Variants in DAPK3 observed in about 807,000 individuals in gnomAD.
DAPK3 encodes the protein death associated protein kinase 3.
In DAPK3, 24 loss-of-function variants were observed where a neutral mutation model predicts 30.6. The observed-to-expected ratio is 0.78, with a 90% CI of 0.57 to 1.10. The LOEUF (loss-of-function observed/expected upper bound fraction) is 1.10. Ranked by LOEUF, DAPK3 falls within the 50% of genes least tolerant of loss-of-function variation. The pLI, the probability that DAPK3 is intolerant of heterozygous loss-of-function variation, is 0.00. For missense variants in DAPK3, 629 were observed against 657.3 expected (o/e 0.96, Z 0.47); for synonymous variants, 341 against 284.0 (o/e 1.20, Z -2.02).
In DAPK3 at chr19:3,964,333, G is replaced by A; in HGVS notation, c.464C>T (p.Pro155Leu). Residue 155 changes from proline to leucine, a missense_variant, in exon 4 of 9, where the codon CCA (proline) becomes CTA (leucine). Around this residue, in one of 2 missense-constraint regions of DAPK3, gnomAD observed 306 missense variants for 378.5 expected, o/e 0.81. Coordinates refer to ENST00000545797, the MANE Select transcript of DAPK3 (RefSeq NM_001348.3). ...GCCGAAGTCGATGAGCTTGATTCGT[G>A]GGTTGGGCACGTTCTTGTCCAGCAG... Reference protein sequence around the residue: ...IMLLDKNVPNPRIKLIDFGIA... With the variant: ...IMLLDKNVPNLRIKLIDFGIA... The A allele has an allele frequency of 6.2e-7, 1 of 1,613,200 alleles. No individual in the cohort carries two copies. The highest frequency in any genetic ancestry group is 8.5e-7 in the Non-Finnish European group (1 of 1,179,200).
At chr19:3,968,685 G>A (rs1031808942) in intron 2 of DAPK3, among the ~76,000 whole-genome samples, 1 of 152,140 alleles carries the variant, frequency 6.6e-6, no homozygotes, top group Non-Finnish European at 1.5e-5. Context: ...GGGGGAGGAG[G>A]GAGCATGCTT....
chr19:3,969,252 T>C (rs1005080319), intron 2 of DAPK3, among the ~76,000 whole-genome samples: 3 of 152,098 alleles, frequency 2.0e-5, no homozygotes, highest in Non-Finnish European at 4.4e-5. Flanking sequence ...CATCCTCCCG[T>C]CTCAGCTTCC....
chr19:3,962,787 CAAAAAAA>C (rs35117218), intron 6 of DAPK3, among the ~76,000 whole-genome samples: 51 of 68,070 alleles, frequency 7.5e-4, no homozygotes, highest in African/African-American at 2.9e-3. Flanking sequence ...AACTCTGTCT[CAAAAAAA>C]AAAAAAAAAA....
rs2145336172 is a variant in DAPK3 at position 3,964,458 on chromosome 19, C to T, written c.424-85G>A. ...CTCCCCAAACCTCACCCTCACGCTC[C>T]CCGCAACCTCACCCCCACGCTCCCC... On this transcript the variant is annotated intron_variant, in intron 3 of 8. Transcript: ENST00000545797. 3.1e-6 allele frequency: 3 copies of T among 962,138 alleles called. No homozygotes were observed. In the East Asian group the frequency reaches 1.3e-4, roughly 41 times the overall value. 59.6% of individuals were successfully genotyped at this position (962,138 alleles called of 1,614,324 possible).
rs1462563447 is a variant in DAPK3, at chr19:3,958,516, A to G, written c.*585T>C. On this transcript the variant is annotated 3_prime_UTR_variant, in exon 9 of 9. Coordinates refer to ENST00000545797, the MANE Select transcript of DAPK3 (RefSeq NM_001348.3). The stretch of plus-strand genomic sequence containing the variant: ...GGGCCGCTCTTGCCTAGGCGTCCAC[A>G]GGCGCGACGATGGGGCTCGCGGAGG... The G allele has an allele frequency of 2.2e-6, 1 of 456,568 alleles. No homozygotes were observed. Among genetic ancestry groups the G allele is most frequent in the Non-Finnish European group, 4.4e-6 (1 of 227,288 alleles). The allele number at this position is 456,568 out of a possible 1,614,324, so 28.3% of individuals were successfully genotyped here.
At chr19:3,969,443 C>T (rs539589931) in intron 2 of DAPK3, among the ~76,000 whole-genome samples, 35 of 152,248 alleles carry the variant, frequency 2.3e-4, no homozygotes, top group South Asian at 1.4e-3. Context: ...GCTGCTGTAA[C>T]GGCTCAATTA....
intron 2 of DAPK3, among the ~76,000 whole-genome samples, chr19:3,966,570 A>G (rs922738783): frequency 2.0e-5 from 3 of 152,142 alleles, no homozygotes; most frequent in African/African-American, 7.2e-5. Context: ...AGGCCAGGAG[A>G]GGGGAGCCAC....
chr19:3,962,378 C>T (rs1568191366), intron 6 of DAPK3, among the ~76,000 whole-genome samples: 2 of 152,348 alleles, frequency 1.3e-5, no homozygotes, highest in African/African-American at 4.8e-5. Context: ...CGCACTACAG[C>T]GGGCTGGGCC....
chr19:3,961,869 A>G (rs1478715992), intron 6 of DAPK3: 1 of 208,272 alleles, frequency 4.8e-6, no homozygotes, highest in African/African-American at 2.3e-5. Flanking sequence ...AATTTTTTAA[A>G]TTTTTTAGAG....
chr19:3,961,417 G>C, intron 6 of DAPK3: 1 of 630,662 alleles, frequency 1.6e-6, no homozygotes, highest in South Asian at 1.4e-5. Context: ...GAGACTCGAA[G>C]TATCTGTGCA....
At chr19:3,964,118 C>T in intron 4 of DAPK3, 126 bp downstream of exon 4, 1 of 946,546 alleles carries the variant, frequency 1.1e-6, no homozygotes, top group Non-Finnish European at 1.6e-6. Context: ...CAAAGCCGGG[C>T]CCAAGAGGGG....
intron 2 of DAPK3, 116 bp from the exon 3 acceptor site, chr19:3,965,107 T>C (rs541737534): frequency 6.8e-5 from 43 of 635,474 alleles, no homozygotes; most frequent in Non-Finnish European, 1.1e-4. Context: ...CACCAGGCAC[T>C]TGAAGGACAT....
rs2039617045 is a variant in DAPK3 at position 3,969,890 on chromosome 19, T to G, written c.-94-61A>C. 9.6e-6 allele frequency: 6 copies of G among 627,284 alleles called. No individual in the cohort carries two copies. The East Asian group carries it at 1.1e-4, about 11-fold the overall frequency. The allele number at this position is 627,284 out of a possible 1,614,324, so 38.9% of individuals were successfully genotyped here. A position where few individuals can be genotyped will look rare whatever the true frequency, so the allele number is the denominator to read the frequency against. On this transcript the variant is annotated intron_variant, in intron 1 of 8. Coordinates refer to ENST00000545797, the MANE Select transcript of DAPK3 (RefSeq NM_001348.3). The stretch of plus-strand genomic sequence containing the variant: ...GAGACACCACCCTTTTCTCCTAGAT[T>G]AATGGACAGACCTGTCCAGCAAACA...
chr19:3,964,479 TC>T, intron 3 of DAPK3, 106 bp from the exon 4 acceptor site: 1 of 332,978 alleles, frequency 3.0e-6, no homozygotes, highest in Non-Finnish European at 4.2e-6. Context: ...ACCCCCACGC[TC>T]CCCCAACCTC....
intron 6 of DAPK3, chr19:3,961,539 T>C (rs1313478197): frequency 2.0e-6 from 1 of 500,596 alleles, no homozygotes; most frequent in Non-Finnish European, 4.1e-6. Context: ...AGCCCGGCAG[T>C]GAGAGGCCCC....
At chr19:3,961,588 C>T (rs2039515106) in intron 6 of DAPK3, 1 of 467,508 alleles carries the variant, frequency 2.1e-6, no homozygotes, top group South Asian at 1.5e-5. Flanking sequence ...GGGAGGGTGA[C>T]ACAGCATCAT....
chr19:3,967,968 G>A (rs1482109567), intron 2 of DAPK3, among the ~76,000 whole-genome samples: 4 of 152,274 alleles, frequency 2.6e-5, no homozygotes, highest in Admixed American at 6.5e-5. Context: ...AAAAACAGAA[G>A]GCTAAATACT....
At chr19:3,960,166 A>G (rs2039493317) in intron 7 of DAPK3, 62 bp from the exon 8 acceptor site, 4 of 920,302 alleles carry the variant, frequency 4.3e-6, no homozygotes, top group Non-Finnish European at 7.1e-6. Context: ...CCCGTGAACA[A>G]CTGACTCCCG....
At chr19:3,967,830 A>G (rs559495214) in intron 2 of DAPK3, among the ~76,000 whole-genome samples, 3 of 152,256 alleles carry the variant, frequency 2.0e-5, no homozygotes, top group Admixed American at 1.3e-4. Flanking sequence ...GTTCCAGACC[A>G]CTACCTGAAG....
Sources: gnomAD v4.1 joint callset for allele counts (sites outside exome capture counted in the v4.1 genomes callset) on GRCh38, gnomAD v4.1.1 for gene constraint, gnomAD v4.1.1 regional missense constraint, MANE v1.5 for transcripts, NCBI Gene and HGNC (gene_info 2026-07-23, HGNC 2026-07-21) for gene names.